The following PSMF1 variants were observed in gnomAD, a reference collection of about 807,000 sequenced individuals.
PSMF1 encodes proteasome inhibitor PI31 subunit.
A neutral mutation model predicts 29.3 loss-of-function variants in PSMF1; 30 were observed. The observed-to-expected ratio is 1.02, with a 90% confidence interval of 0.77 to 1.39. The LOEUF is 1.39. Among genes scored for constraint, PSMF1 ranks in the 40% most tolerant of loss-of-function variants. The pLI, the probability that PSMF1 is intolerant of heterozygous loss-of-function variation, is 0.00. For missense variants in PSMF1, 344 were observed against 357.5 expected, an observed-to-expected ratio of 0.96 and a Z score of 0.31; for synonymous variants, 134 against 139.7, an observed-to-expected ratio of 0.96 and a Z score of 0.29.
rs1393578282 is a variant in PSMF1 at position 1,160,871 on chromosome 20, TC to T, written c.552-2257del. ...ACACCCTACAACAAGCTGCATGTGT[TC>T]CTGGAGGAGCACCTGGTGCTGCTGA... On this transcript the variant is annotated intron_variant, in intron 4 of 6. Transcript: ENST00000335877. 6.6e-6 allele frequency: 3 copies of T among 454,214 alleles called. No homozygotes were observed. The Admixed American group carries it at 7.8e-5, about 12-fold the overall frequency. 28.1% of individuals were successfully genotyped at this position (454,214 alleles called of 1,614,324 possible).
Position 1,118,874 on chromosome 20 carries a change from G to C in PSMF1, c.101G>C (p.Gly34Ala), listed in dbSNP as rs1878177350. 6.2e-7 allele frequency: 1 copy of C among 1,614,054 alleles called. No individual in the cohort carries two copies. The highest frequency in any genetic ancestry group is 1.3e-5 in the African/African-American group (1 of 74,942). Residue 34 changes from glycine (G) to alanine (A), a missense_variant, in exon 1 of 7, where the codon GGT (glycine) becomes GCT (alanine). Transcript: ENST00000335877. Reference sequence around the variant, plus strand: ...TTGCATTGGGAAGTGGTGACACACGGTTACTTCGGCTTGGGTGTCGGTGAC... The same window carrying C: ...TTGCATTGGGAAGTGGTGACACACGCTTACTTCGGCTTGGGTGTCGGTGAC... The part of the protein sequence containing the change: ...CFLHWEVVTH[G>A]YFGLGVGDQP...
At chr20:1,125,956 G>A (rs1450826606) in intron 2 of PSMF1, 1 of 513,780 alleles carries the variant, frequency 1.9e-6, no homozygotes, top group Admixed American at 2.2e-5. Context: ...GGCTACTTCA[G>A]TTCCTTAAAT....
intron 4 of PSMF1, among the ~76,000 whole-genome samples, chr20:1,148,576 G>A (rs1342788456): frequency 6.6e-6 from 1 of 152,028 alleles, no homozygotes; most frequent in Non-Finnish European, 1.5e-5. Flanking sequence ...GTTCCAAATA[G>A]TTTGCATTTT....
At chr20:1,118,923 G>T (rs779648041) in intron 1 of PSMF1, 21 bp downstream of exon 1, 2 of 1,612,700 alleles carry the variant, frequency 1.2e-6, no homozygotes, top group Admixed American at 1.7e-5. Context: ...GAGCCGGCCA[G>T]GGTGGAGGAG....
chr20:1,131,818 A>C (rs1327199164), intron 3 of PSMF1, among the ~76,000 whole-genome samples: 1 of 152,158 alleles, frequency 6.6e-6, no homozygotes, highest in Non-Finnish European at 1.5e-5. Context: ...CAAGGCTTAG[A>C]AATTGTGTGA....
chr20:1,161,002 C>A, intron 4 of PSMF1: 1 of 393,556 alleles, frequency 2.5e-6, no homozygotes, highest in East Asian at 6.0e-5. Flanking sequence ...GGCCATACTT[C>A]TATGCCTCTG....
At chr20:1,122,446 G>T (rs992795346) in intron 1 of PSMF1, among the ~76,000 whole-genome samples, 5 of 151,632 alleles carry the variant, frequency 3.3e-5, no homozygotes, top group Non-Finnish European at 7.4e-5. Flanking sequence ...ACAGGTCCCC[G>T]CCACCATGCC....
In PSMF1 at chr20:1,164,607, A is replaced by C; in HGVS notation, c.764+131A>C. The C allele has an allele frequency of 8.0e-7, 1 of 1,255,832 alleles. No homozygotes were observed. The highest frequency in any genetic ancestry group is 1.1e-6 in the Non-Finnish European group (1 of 904,592). The allele number at this position is 1,255,832 out of a possible 1,614,324, so 77.8% of individuals were successfully genotyped here. On this transcript the variant is annotated intron_variant, in intron 6 of 6. Coordinates refer to ENST00000335877, the MANE Select transcript of PSMF1 (RefSeq NM_006814.5). This position sits in a 1 kb window ranked among gnomAD's most constrained non-coding sequence, Gnocchi z 4.1. Reference sequence around the variant, plus strand: ...TCACCTGTTGCTGCCAGGAGAGTGGAGCCTCCTCCAGGGCCCTGCCTGATT... The same window carrying C: ...TCACCTGTTGCTGCCAGGAGAGTGGCGCCTCCTCCAGGGCCCTGCCTGATT...
intron 4 of PSMF1, among the ~76,000 whole-genome samples, chr20:1,154,003 T>TG (rs1297692462): frequency 6.6e-6 from 1 of 152,234 alleles, no homozygotes; most frequent in African/African-American, 2.4e-5. Context: ...CATCAGTGCT[T>TG]GCAATAGAAA....
chr20:1,144,927 C>G (rs553506216), intron 4 of PSMF1, among the ~76,000 whole-genome samples: 1 of 152,194 alleles, frequency 6.6e-6, no homozygotes, highest in South Asian at 2.1e-4. Flanking sequence ...ACAGAGTCAC[C>G]CAGTGTGGAG....
chr20:1,159,221 A>G (rs2086635757), intron 4 of PSMF1, among the ~76,000 whole-genome samples: 1 of 152,102 alleles, frequency 6.6e-6, no homozygotes, highest in South Asian at 2.1e-4. Context: ...TTCCTTAATA[A>G]TAGAGATGGG....
chr20:1,160,176 A>G (rs995167825), intron 4 of PSMF1, among the ~76,000 whole-genome samples: 4 of 152,040 alleles, frequency 2.6e-5, no homozygotes, highest in African/African-American at 9.7e-5. Context: ...TTCTGGTTGT[A>G]ATTATACATA....
Position 1,163,785 on chromosome 20 carries a change from T to C in PSMF1, c.606-533T>C, listed in dbSNP as rs1212343569. 6.6e-6 allele frequency among the ~76,000 whole-genome samples: 1 copy of C among 152,212 alleles called. No individual in the cohort carries two copies. The highest frequency in any genetic ancestry group is 1.5e-5 in the Non-Finnish European group (1 of 68,038). ...CCTAGTTTGAGCACATGAGGTCAGG[T>C]CAGTGGAACTCCATGAGGGACAGAT... is the stretch of plus-strand genomic sequence containing the variant. On this transcript the variant is annotated intron_variant, in intron 5 of 6. Transcript: ENST00000335877. This position sits in a 1 kb window ranked among gnomAD's most constrained non-coding sequence, Gnocchi z 6.1.
rs891040538 is a variant in PSMF1 at position 1,169,066 on chromosome 20, A to G, written c.*3986A>G. Reference sequence around the variant, plus strand: ...AGTTCCTAATCCCCAGATTGTAGCAATGATGATGTGATCCTGCTGCTCTCT... The same window carrying G: ...AGTTCCTAATCCCCAGATTGTAGCAGTGATGATGTGATCCTGCTGCTCTCT... On this transcript the variant is annotated 3_prime_UTR_variant, in exon 7 of 7. Transcript: ENST00000335877. Among the ~76,000 whole-genome samples, 2 of 152,190 alleles carry G rather than the reference A, an allele frequency of 1.3e-5. No individual in the cohort carries two copies. Among genetic ancestry groups the G allele is most frequent in the Admixed American group, 1.3e-4 (2 of 15,282 alleles).
intron 4 of PSMF1, chr20:1,161,088 TC>T: frequency 4.2e-6 from 2 of 479,534 alleles, no homozygotes; most frequent in Non-Finnish European, 7.0e-6. Flanking sequence ...GGCTATGCCC[TC>T]CCCACGCCAT....
rs1274709890 is a variant in PSMF1, at chr20:1,167,002, C to G, written c.*1922C>G. ...ACTTAGATTTTCTAGCAGCAAAGTC[C>G]GAAAAGATAGTTATATACAAAATTC... On this transcript the variant is annotated 3_prime_UTR_variant, in exon 7 of 7. Transcript: ENST00000335877. 1 of 151,930 alleles carries G rather than the reference C, an allele frequency of 6.6e-6. No homozygotes were observed. Among genetic ancestry groups the G allele is most frequent in the Non-Finnish European group, 1.5e-5 (1 of 67,986 alleles). The allele number at this position is 151,930 out of a possible 1,614,324, so 9.4% of individuals were successfully genotyped here.
At chr20:1,123,822 C>T (rs2086120663) in intron 1 of PSMF1, among the ~76,000 whole-genome samples, 1 of 152,216 alleles carries the variant, frequency 6.6e-6, no homozygotes, top group Non-Finnish European at 1.5e-5. Flanking sequence ...TGGAGGTTCC[C>T]ATTCTCCCCA....
At chr20:1,136,080 A>T (rs370650563) in intron 4 of PSMF1, among the ~76,000 whole-genome samples, 8 of 152,262 alleles carry the variant, frequency 5.3e-5, no homozygotes, top group African/African-American at 1.9e-4. Flanking sequence ...TTAGTTAGCT[A>T]AAAATGGGAA....
intron 3 of PSMF1, among the ~76,000 whole-genome samples, chr20:1,134,108 C>G (rs1329603047): frequency 3.3e-5 from 5 of 151,384 alleles, no homozygotes; most frequent in Non-Finnish European, 7.4e-5. Context: ...TCTGTTCTTA[C>G]CTTTATTACT....
Sources: gnomAD v4.1 joint callset for allele counts (sites outside exome capture counted in the v4.1 genomes callset) on GRCh38, gnomAD v4.1.1 for gene constraint, Gnocchi (gnomAD v3.1) non-coding constraint, MANE v1.5 for transcripts, NCBI Gene and HGNC (gene_info 2026-07-23, HGNC 2026-07-21) for gene names.